The following PLXNA4 variants were observed in gnomAD, a reference collection of about 807,000 sequenced individuals.
The protein encoded by PLXNA4 is plexin-A4.
PLXNA4 carries 44 observed loss-of-function variants against 191.8 expected under a neutral mutation model. The ratio of observed to expected loss-of-function variants is 0.23; its 90% confidence interval spans 0.18 to 0.29. PLXNA4 has a LOEUF of 0.29. PLXNA4 is among the 10% of genes least tolerant of loss of function. The pLI, the probability that PLXNA4 is intolerant of heterozygous loss-of-function variation, is 1.00. For missense variants in PLXNA4, 1,800 were observed against 2,488.8 expected (o/e 0.72, Z 5.89); for synonymous variants, 1,082 against 1,009.5 (o/e 1.07, Z -1.36).
chr7:132,538,850 C>T (rs768846409), intron 1 of PLXNA4, among the ~76,000 whole-genome samples: 1 of 152,132 alleles, frequency 6.6e-6, no homozygotes, highest in African/African-American at 2.4e-5. Context: ...GCCCTAAGCA[C>T]GAGGGAAAGA....
chr7:132,512,080 C>G (rs143880896), intron 1 of PLXNA4, among the ~76,000 whole-genome samples: 1 of 152,234 alleles, frequency 6.6e-6, no homozygotes, highest in South Asian at 2.1e-4. Flanking sequence ...GCACCATATG[C>G]TCTGCCGGCT....
chr7:132,320,659 T>TG, intron 3 of PLXNA4, among the ~76,000 whole-genome samples: 1 of 152,038 alleles, frequency 6.6e-6, no homozygotes. Flanking sequence ...ACCTTTCCCA[T>TG]GAATAAAGCT....
At chr7:132,463,734 G>A (rs1796599655) in intron 3 of PLXNA4, among the ~76,000 whole-genome samples, 1 of 152,276 alleles carries the variant, frequency 6.6e-6, no homozygotes, top group South Asian at 2.1e-4. Context: ...CTTTCAGCTG[G>A]ACTATGAATC....
At chr7:132,482,744 G>T (rs1797388809) in intron 3 of PLXNA4, among the ~76,000 whole-genome samples, 1 of 149,898 alleles carries the variant, frequency 6.7e-6, no homozygotes. Context: ...CCAGGCTGGA[G>T]TGCAATGGTG....
At chr7:132,608,111 C>CTGCCATCATCCTCATGACTATCACCAT (rs1802971719) in intron 2 of PLXNA4, among the ~76,000 whole-genome samples, 4 of 3,004 alleles carry the variant, frequency 1.3e-3, no homozygotes, top group African/African-American at 2.1e-3. Context: ...ATCACCATCA[C>CTGCCATCATCCTCATGACTATCACCAT]CACCATCACT....
Position 132,228,583 on chromosome 7 carries a change from G to A in PLXNA4, c.1605-114C>T, listed in dbSNP as rs772793834. 2.8e-5 allele frequency: 38 copies of A among 1,350,558 alleles called. No individual in the cohort carries two copies. In the South Asian group the frequency reaches 3.1e-4, roughly 11 times the overall value. The allele number at this position is 1,350,558 out of a possible 1,614,324, so 83.7% of individuals were successfully genotyped here. ...CCCAGGATGTGTCCAAACTCAATGC[G>A]CCCAGAGCTAACCTTTTTGTGTCCT... On this transcript the variant is annotated intron_variant, in intron 5 of 31. Transcript: ENST00000321063.
rs6950037 is a variant in PLXNA4 at position 132,191,939 on chromosome 7, A to G, written c.2856+2123T>C. ...TTGGGTTCACCTTGGAAATTCCCTC[A>G]TGCTTTCAGGAGAAGGTGGTGGGTA... On this transcript the variant is annotated intron_variant, in intron 14 of 31. Transcript: ENST00000321063. 6.0e-3 allele frequency among the ~76,000 whole-genome samples: 915 copies of G among 152,172 alleles called. 12 individuals carry two copies. Among genetic ancestry groups the G allele is most frequent in the African/African-American group, 0.021 (882 of 41,508 alleles).
At chr7:132,135,282 A>T (rs1221279574) in intron 30 of PLXNA4, among the ~76,000 whole-genome samples, 2 of 152,208 alleles carry the variant, frequency 1.3e-5, no homozygotes, top group Non-Finnish European at 2.9e-5. Context: ...GCTGAGTTCC[A>T]AGCTTCCACC....
At chr7:132,529,780 T>G (rs1799553792) in intron 1 of PLXNA4, among the ~76,000 whole-genome samples, 1 of 152,078 alleles carries the variant, frequency 6.6e-6, no homozygotes, top group African/African-American at 2.4e-5. Flanking sequence ...TAATTTTTTG[T>G]ATTTTTAGTA....
intron 21 of PLXNA4, among the ~76,000 whole-genome samples, chr7:132,172,703 C>T (rs1796326339): frequency 6.6e-6 from 1 of 152,036 alleles, no homozygotes; most frequent in Non-Finnish European, 1.5e-5. Flanking sequence ...GAAAATCCAA[C>T]TTAAACATAT....
chr7:132,400,184 A>G (rs1438285114), intron 3 of PLXNA4, among the ~76,000 whole-genome samples: 1 of 152,170 alleles, frequency 6.6e-6, no homozygotes, highest in East Asian at 1.9e-4. Flanking sequence ...CAAGCTTCAT[A>G]CCAGGCACAG....
chr7:132,569,350 C>A (rs754068), intron 1 of PLXNA4, among the ~76,000 whole-genome samples: 1 of 152,148 alleles, frequency 6.6e-6, no homozygotes, highest in Non-Finnish European at 1.5e-5. Flanking sequence ...TCAATAAAGT[C>A]ATAACACATA....
intron 1 of PLXNA4, among the ~76,000 whole-genome samples, chr7:132,540,020 A>G (rs1800001515): frequency 6.6e-6 from 1 of 152,134 alleles, no homozygotes; most frequent in African/African-American, 2.4e-5. Context: ...GGGCATCTAG[A>G]AATGTATGGA....
intron 3 of PLXNA4, among the ~76,000 whole-genome samples, chr7:132,381,536 A>T (rs1184596006): frequency 6.6e-6 from 1 of 152,240 alleles, no homozygotes; most frequent in Non-Finnish European, 1.5e-5. Context: ...ATTTGACCAG[A>T]TAATCTTTTA....
intron 3 of PLXNA4, among the ~76,000 whole-genome samples, chr7:132,341,879 C>T (rs2116749462): frequency 6.6e-6 from 1 of 152,216 alleles, no homozygotes; most frequent in African/African-American, 2.4e-5. Flanking sequence ...CAAGAGGGTG[C>T]TATTATCTAA....
At chr7:132,631,714 T>A (rs1335857975) in intron 2 of PLXNA4, among the ~76,000 whole-genome samples, 1 of 152,188 alleles carries the variant, frequency 6.6e-6, no homozygotes, top group Non-Finnish European at 1.5e-5. Flanking sequence ...CATGGTCTCA[T>A]CTGCTCCTCA....
intron 1 of PLXNA4, among the ~76,000 whole-genome samples, chr7:132,575,522 C>T (rs2116791768): frequency 6.6e-6 from 1 of 152,288 alleles, no homozygotes; most frequent in South Asian, 2.1e-4. Flanking sequence ...AGGCATGTGA[C>T]AGGTGTTCGC....
At chr7:132,446,291 T>C (rs1248734114) in intron 3 of PLXNA4, among the ~76,000 whole-genome samples, 7 of 152,234 alleles carry the variant, frequency 4.6e-5, no homozygotes, top group Non-Finnish European at 1.0e-4. Context: ...TACCCCATTA[T>C]ACTTCTTTTT....
intron 1 of PLXNA4, among the ~76,000 whole-genome samples, chr7:132,519,043 C>T (rs1799063032): frequency 6.6e-6 from 1 of 152,224 alleles, no homozygotes; most frequent in African/African-American, 2.4e-5. Flanking sequence ...GGGACAGTCA[C>T]TAGGCAATGG....
Sources: allele counts gnomAD v4.1 joint callset (sites outside exome capture counted in the v4.1 genomes callset), GRCh38; gene constraint gnomAD v4.1.1; transcripts MANE v1.5; gene names NCBI Gene and HGNC (gene_info 2026-07-23, HGNC 2026-07-21).